BPI: variants seen among roughly 807,000 people sequenced by gnomAD.
BPI encodes the protein bactericidal permeability increasing protein, also known as bactericidal permeability-increasing protein.
Under a neutral mutation model 57.6 loss-of-function variants are expected in BPI, and 48 were observed. That is an observed-to-expected ratio of 0.83 (90% CI 0.66 to 1.06). The LOEUF (loss-of-function observed/expected upper bound fraction) is 1.06, where lower values mean the gene tolerates loss of function less well. Among genes scored for constraint, BPI ranks in the 50% least tolerant of loss-of-function variants. BPI has a pLI of 0.00. For synonymous variants in BPI, 237 were observed against 238.2 expected (o/e 0.99, Z 0.05); for missense variants, 651 against 609.7 (o/e 1.07, Z -0.71).
chr20:38,309,198 C>A, intron 3 of BPI, 140 bp downstream of exon 3: 1 of 1,237,374 alleles, frequency 8.1e-7, no homozygotes, highest in Non-Finnish European at 1.1e-6. Flanking sequence ...GGAAATTCTT[C>A]ACATGAGAAG....
At chr20:38,312,068 C>A in intron 5 of BPI, 131 bp downstream of exon 5, 1 of 861,388 alleles carries the variant, frequency 1.2e-6, no homozygotes, top group Non-Finnish European at 1.9e-6. Context: ...TTTGAAACCA[C>A]AACCCCAGCT....
At chr20:38,327,404 ACAGTT>A (rs1280828863) in intron 10 of BPI, among the ~76,000 whole-genome samples, 179 bp from the exon 11 acceptor site, 12 of 152,254 alleles carry the variant, frequency 7.9e-5, no homozygotes, top group African/African-American at 2.6e-4. Context: ...ATGGAAATTG[ACAGTT>A]TAGGACTCAA....
chr20:38,330,951 A>C, intron 11 of BPI, 97 bp from the exon 12 acceptor site: 2 of 1,427,048 alleles, frequency 1.4e-6, no homozygotes, highest in Non-Finnish European at 2.0e-6. Context: ...GGAAAACCAG[A>C]CAGTATCCAC....
intron 4 of BPI, among the ~76,000 whole-genome samples, chr20:38,311,304 G>A (rs1290891655): frequency 2.6e-5 from 4 of 152,152 alleles, no homozygotes; most frequent in Non-Finnish European, 4.4e-5. Flanking sequence ...AGCCCAGTGG[G>A]GAAGACAATC....
chr20:38,329,847 G>T (rs1356245213), intron 11 of BPI, among the ~76,000 whole-genome samples: 4 of 151,970 alleles, frequency 2.6e-5, no homozygotes, highest in African/African-American at 7.3e-5. Flanking sequence ...CGTGTAGCTG[G>T]GACTACAGGT....
At chr20:38,310,292 G>A (rs760222259) in intron 3 of BPI, among the ~76,000 whole-genome samples, 199 bp from the exon 4 acceptor site, 68 of 152,182 alleles carry the variant, frequency 4.5e-4, no homozygotes, top group Admixed American at 2.5e-3. Flanking sequence ...AGGCAAACAT[G>A]AGTTCCGAAT....
At chr20:38,336,816 G>A (rs1278523055) in intron 14 of BPI, among the ~76,000 whole-genome samples, 1 of 152,164 alleles carries the variant, frequency 6.6e-6, no homozygotes, top group Non-Finnish European at 1.5e-5. Flanking sequence ...GAAGCAGAGA[G>A]AAGTGGTTTT....
chr20:38,313,484 G>A (rs1157954462), intron 5 of BPI, among the ~76,000 whole-genome samples: 1 of 151,492 alleles, frequency 6.6e-6, no homozygotes, highest in African/African-American at 2.4e-5. Flanking sequence ...CAGAAAATGT[G>A]CTCACTCACT....
chr20:38,324,935 C>A (rs2076704981), intron 9 of BPI, 102 bp downstream of exon 9: 3 of 956,404 alleles, frequency 3.1e-6, no homozygotes, highest in South Asian at 2.7e-5. Flanking sequence ...ATAACACACA[C>A]AAGATCCAGA....
chr20:38,333,426 T>A (rs1350296334), intron 12 of BPI, among the ~76,000 whole-genome samples: 1 of 152,302 alleles, frequency 6.6e-6, no homozygotes, highest in Non-Finnish European at 1.5e-5. Flanking sequence ...ATTTTTAATT[T>A]TTTTTATTAT....
chr20:38,309,987 C>T (rs868013879), intron 3 of BPI, among the ~76,000 whole-genome samples: 1 of 152,180 alleles, frequency 6.6e-6, no homozygotes. Context: ...TGTCTTTTCC[C>T]TTAATGATCA....
intron 7 of BPI, among the ~76,000 whole-genome samples, chr20:38,323,487 G>T (rs2076696877): frequency 6.6e-6 from 1 of 152,196 alleles, no homozygotes; most frequent in Non-Finnish European, 1.5e-5. Context: ...CTTTTCGTAG[G>T]GTTTCTGTGC....
At chr20:38,308,847 T>A (rs1237295582) in intron 2 of BPI, 83 bp from the exon 3 acceptor site, 1 of 1,544,934 alleles carries the variant, frequency 6.5e-7, no homozygotes, top group Non-Finnish European at 8.9e-7. Flanking sequence ...GGGGGACGAG[T>A]CTGCATTAAC....
In BPI at chr20:38,326,119, C is replaced by T. The variant is rs1041904234; in HGVS notation, c.994-146C>T. On this transcript the variant is annotated intron_variant, in intron 9 of 14. Coordinates refer to ENST00000642449, the MANE Select transcript of BPI (RefSeq NM_001725.3). ...TGTGGTGAGGTTGGCAGGGTGCCAGCTGGCAGACTGTGCAATCTTAGGATT... is the reference window on the plus strand; with the variant it reads ...TGTGGTGAGGTTGGCAGGGTGCCAGTTGGCAGACTGTGCAATCTTAGGATT... The T allele has an allele frequency of 1.7e-5, 15 of 862,326 alleles. No homozygotes were observed. The African/African-American group carries it at 2.4e-4, about 14-fold the overall frequency. 53.4% of individuals were successfully genotyped at this position (862,326 alleles called of 1,614,324 possible). A position where few individuals can be genotyped will look rare whatever the true frequency, so the allele number is the denominator to read the frequency against.
chr20:38,304,457 C>T, intron 1 of BPI, 104 bp downstream of exon 1: 1 of 1,452,660 alleles, frequency 6.9e-7, no homozygotes, highest in South Asian at 1.2e-5. Context: ...ACTCATAGCA[C>T]CTCAGGGCAG....
chr20:38,329,841 T>C (rs1255576734), intron 11 of BPI, among the ~76,000 whole-genome samples: 1 of 152,146 alleles, frequency 6.6e-6, no homozygotes, highest in Non-Finnish European at 1.5e-5. Flanking sequence ...GCCTCCCGTG[T>C]AGCTGGGACT....
In BPI at chr20:38,315,887, C is replaced by T. The variant is rs371243429; in HGVS notation, c.601-2526C>T. On this transcript the variant is annotated intron_variant, in intron 5 of 14. Transcript: ENST00000642449. ...TCTCTCTGTTGCCCAGGCTGGAGTA[C>T]AGTAGCACAATCTCAACTCACTGCA... is the stretch of plus-strand genomic sequence containing the variant. Among the ~76,000 whole-genome samples, 5 of 147,080 alleles carry T rather than the reference C, an allele frequency of 3.4e-5. No individual in the cohort carries two copies. The Admixed American group carries it at 3.4e-4, about 10-fold the overall frequency.
intron 10 of BPI, 58 bp from the exon 11 acceptor site, chr20:38,327,530 G>A: frequency 6.3e-7 from 1 of 1,594,112 alleles, no homozygotes; most frequent in Non-Finnish European, 8.6e-7. Context: ...TTGGTTTGGA[G>A]GCCTTGCAAT....
At chr20:38,323,493 T>C (rs956780859) in intron 7 of BPI, among the ~76,000 whole-genome samples, 1 of 152,242 alleles carries the variant, frequency 6.6e-6, no homozygotes, top group Non-Finnish European at 1.5e-5. Context: ...GTAGGGTTTC[T>C]GTGCTTACTA....
Sources: allele counts gnomAD v4.1 joint callset (sites outside exome capture counted in the v4.1 genomes callset), GRCh38; gene constraint gnomAD v4.1.1; transcripts MANE v1.5; gene names NCBI Gene and HGNC (gene_info 2026-07-23, HGNC 2026-07-21).